Variants in ST8SIA2 observed in about 807,000 individuals in gnomAD.
ST8SIA2 encodes ST8 alpha-N-acetyl-neuraminide alpha-2,8-sialyltransferase 2.
Under a neutral mutation model 37.6 loss-of-function variants are expected in ST8SIA2, and 22 were observed. The observed-to-expected ratio is 0.58, with a 90% CI of 0.42 to 0.83. The LOEUF is 0.83. Ranked by LOEUF, ST8SIA2 falls within the 40% of genes least tolerant of loss-of-function variation. ST8SIA2 has a pLI of 0.00. For synonymous variants in ST8SIA2, 205 were observed against 201.2 expected (o/e 1.02, Z -0.16); for missense variants, 382 against 484.7 (o/e 0.79, Z 1.99).
chr15:92,435,631 G>A (rs1490573907), intron 3 of ST8SIA2, among the ~76,000 whole-genome samples: 1 of 152,078 alleles, frequency 6.6e-6, no homozygotes, highest in Non-Finnish European at 1.5e-5. Flanking sequence ...TTAGTTTTGG[G>A]ACCTGTGCAG....
intron 1 of ST8SIA2, among the ~76,000 whole-genome samples, chr15:92,420,306 C>T (rs1433677501): frequency 6.6e-6 from 1 of 152,102 alleles, no homozygotes; most frequent in African/African-American, 2.4e-5. Context: ...TATATTGTCC[C>T]CCCGCCGGTT....
chr15:92,428,959 T>C (rs1277385789), intron 1 of ST8SIA2, among the ~76,000 whole-genome samples: 1 of 152,120 alleles, frequency 6.6e-6, no homozygotes, highest in African/African-American at 2.4e-5. Context: ...GCACATACAA[T>C]GTGATATATA....
At chr15:92,396,706 C>G (rs914091627) in intron 1 of ST8SIA2, among the ~76,000 whole-genome samples, 1 of 152,256 alleles carries the variant, frequency 6.6e-6, no homozygotes, top group African/African-American at 2.4e-5. Context: ...GTTGGCCAGG[C>G]TGGTCTCAAT....
intron 4 of ST8SIA2, 55 bp from the exon 5 acceptor site, chr15:92,444,581 A>T: frequency 1.2e-6 from 2 of 1,611,062 alleles, no homozygotes; most frequent in Non-Finnish European, 1.7e-6. Flanking sequence ...CGAGTTAAAC[A>T]GAGGAAGGGG....
In ST8SIA2 at chr15:92,462,064, G is replaced by T. The variant is rs28729190; in HGVS notation, c.843-2036G>T. On this transcript the variant is annotated intron_variant, in intron 5 of 5. Coordinates refer to ENST00000268164, the MANE Select transcript of ST8SIA2 (RefSeq NM_006011.4). ...AGAAAGTGCGAGGAAAGGGGTCTTC[G>T]AAAGACAGGCTTATGAAACAACCGC... Among the ~76,000 whole-genome samples, 5 of 152,186 alleles carry T rather than the reference G, an allele frequency of 3.3e-5. No individual in the cohort carries two copies. The East Asian group carries it at 9.7e-4, about 29-fold the overall frequency.
chr15:92,408,732 G>A (rs1379110514), intron 1 of ST8SIA2, among the ~76,000 whole-genome samples: 1 of 148,342 alleles, frequency 6.7e-6, no homozygotes, highest in African/African-American at 2.5e-5. Context: ...TTGAGATGGA[G>A]TCTCACTCTG....
At chr15:92,436,234 G>A (rs1176514958) in intron 3 of ST8SIA2, among the ~76,000 whole-genome samples, 1 of 151,978 alleles carries the variant, frequency 6.6e-6, no homozygotes, top group Non-Finnish European at 1.5e-5. Context: ...TTTTAGAGGG[G>A]GTCACCATTC....
intron 1 of ST8SIA2, among the ~76,000 whole-genome samples, chr15:92,421,960 A>G (rs1224985736): frequency 1.3e-5 from 2 of 152,246 alleles, no homozygotes; most frequent in Non-Finnish European, 2.9e-5. Flanking sequence ...GTTTTTTATG[A>G]CAAAAACGTG....
At chr15:92,413,924 G>A (rs16946874) in intron 1 of ST8SIA2, among the ~76,000 whole-genome samples, 6,755 of 152,258 alleles carry the variant, frequency 0.044, 478 homozygotes, top group African/African-American at 0.15. Context: ...TCAGGGCACC[G>A]TCTATAGGCA....
chr15:92,463,315 A>G (rs2049969736), intron 5 of ST8SIA2, among the ~76,000 whole-genome samples: 1 of 152,224 alleles, frequency 6.6e-6, no homozygotes, highest in African/African-American at 2.4e-5. Flanking sequence ...TGGATACACC[A>G]AGATGTAGTG....
intron 1 of ST8SIA2, chr15:92,422,496 G>A (rs2141821630): frequency 6.6e-6 from 1 of 152,400 alleles, no homozygotes; most frequent in African/African-American, 2.4e-5. Context: ...AAGGACTCGG[G>A]CAACTGCCTC....
At chr15:92,425,695 G>A (rs1043445195) in intron 1 of ST8SIA2, among the ~76,000 whole-genome samples, 7 of 152,212 alleles carry the variant, frequency 4.6e-5, no homozygotes, top group Non-Finnish European at 7.4e-5. Context: ...GAATGGGCAC[G>A]GTGGGGCCAG....
rs2050003099 is a variant in ST8SIA2, at chr15:92,467,771, C to T, written c.*3386C>T. The T allele has an allele frequency of 6.5e-6, 1 of 152,982 alleles. No homozygotes were observed. Among genetic ancestry groups the T allele is most frequent in the Non-Finnish European group, 1.5e-5 (1 of 68,450 alleles). 9.5% of individuals were successfully genotyped at this position (152,982 alleles called of 1,614,324 possible). A position where few individuals can be genotyped will look rare whatever the true frequency, so the allele number is the denominator to read the frequency against. On this transcript the variant is annotated 3_prime_UTR_variant, in exon 6 of 6. Transcript: ENST00000268164. ...CTCTCCTGAGTCCCTCCGCACTCTC[C>T]ATCAGCAACCTCACACCTGCCTTCA...
chr15:92,424,912 C>T (rs1029941671), intron 1 of ST8SIA2, among the ~76,000 whole-genome samples: 1 of 152,176 alleles, frequency 6.6e-6, no homozygotes, highest in Admixed American at 6.5e-5. Flanking sequence ...CCTTTAAAGT[C>T]GTCAACCTCT....
At chr15:92,437,054 C>T (rs1313697060) in intron 3 of ST8SIA2, among the ~76,000 whole-genome samples, 2 of 152,184 alleles carry the variant, frequency 1.3e-5, no homozygotes, top group Admixed American at 1.3e-4. Flanking sequence ...TCAAATCCAG[C>T]AGGCTTTCAG....
chr15:92,424,550 C>T (rs954136356), intron 1 of ST8SIA2, among the ~76,000 whole-genome samples: 13 of 151,546 alleles, frequency 8.6e-5, no homozygotes, highest in African/African-American at 1.7e-4. Context: ...TTACTATCAT[C>T]GTTTACTGTG....
In ST8SIA2 at chr15:92,453,022, C is replaced by T. The variant is rs566152753; in HGVS notation, c.842+8093C>T. 2.0e-5 allele frequency among the ~76,000 whole-genome samples: 3 copies of T among 152,164 alleles called. No homozygotes were observed. The East Asian group carries it at 5.8e-4, about 29-fold the overall frequency. Reference sequence around the variant, plus strand: ...CTCGCACGGTGTACTTATGAAATTTCTGCCTATCTGAGGCAGTGAGCAGAG... The same window carrying T: ...CTCGCACGGTGTACTTATGAAATTTTTGCCTATCTGAGGCAGTGAGCAGAG... On this transcript the variant is annotated intron_variant, in intron 5 of 5. Transcript: ENST00000268164.
chr15:92,429,771 C>T (rs1475265734), intron 1 of ST8SIA2, among the ~76,000 whole-genome samples: 5 of 152,194 alleles, frequency 3.3e-5, no homozygotes, highest in South Asian at 4.1e-4. Context: ...GTTTATTTGC[C>T]GTCTTAAATG....
At chr15:92,438,295 C>T in intron 3 of ST8SIA2, 58 bp from the exon 4 acceptor site, 1 of 1,613,992 alleles carries the variant, frequency 6.2e-7, no homozygotes, top group Non-Finnish European at 8.5e-7. Context: ...AAAAGCTGGG[C>T]TGGCAAAGGG....
Sources: gnomAD v4.1 joint callset for allele counts (sites outside exome capture counted in the v4.1 genomes callset) on GRCh38, gnomAD v4.1.1 for gene constraint, MANE v1.5 for transcripts, NCBI Gene and HGNC (gene_info 2026-07-23, HGNC 2026-07-21) for gene names.